Variants in LARP4B observed in about 807,000 individuals in gnomAD.
LARP4B encodes the protein la-related protein 4B.
LARP4B carries 12 observed loss-of-function variants against 89.8 expected under a neutral mutation model. The observed-to-expected ratio is 0.13, with a 90% CI of 0.09 to 0.22. The LOEUF (loss-of-function observed/expected upper bound fraction) is 0.22. Ranked by LOEUF, LARP4B falls within the 10% of genes least tolerant of loss-of-function variation. The probability of loss-of-function intolerance (pLI) is 1.00; values close to 1 mark genes in which losing one functional copy is unlikely to be tolerated. For missense variants in LARP4B, 757 were observed against 947.7 expected, an observed-to-expected ratio of 0.80 and a Z score of 2.64; for synonymous variants, 367 against 363.3, an observed-to-expected ratio of 1.01 and a Z score of -0.12.
At chr10:890,903 G>A (rs913415784) in intron 1 of LARP4B, among the ~76,000 whole-genome samples, 5 of 151,970 alleles carry the variant, frequency 3.3e-5, no homozygotes, top group African/African-American at 1.2e-4. Flanking sequence ...ACACAACCAC[G>A]AAATCCAGAA....
intron 3 of LARP4B, among the ~76,000 whole-genome samples, chr10:868,378 TAAAAAAAAAAA>T (rs35215345): frequency 1.6e-5 from 2 of 123,462 alleles, no homozygotes; most frequent in African/African-American, 3.0e-5. Context: ...AAGATTTGCT[TAAAAAAAAAAA>T]AAAAAAAAGA....
chr10:895,115 G>A (rs1221232220), intron 1 of LARP4B, among the ~76,000 whole-genome samples: 1 of 152,184 alleles, frequency 6.6e-6, no homozygotes, highest in African/African-American at 2.4e-5. Context: ...GAATCCGGGA[G>A]GCAGAGGTTG....
chr10:813,623 C>T (rs573889789), intron 17 of LARP4B, among the ~76,000 whole-genome samples: 1 of 152,326 alleles, frequency 6.6e-6, no homozygotes, highest in African/African-American at 2.4e-5. Context: ...CCCTGAAAGG[C>T]AAACTCCAAA....
chr10:951,243 T>C, the LARP4B span, among the ~76,000 whole-genome samples: 1 of 152,170 alleles, frequency 6.6e-6, no homozygotes, highest in African/African-American at 2.4e-5. Flanking sequence ...CTTCCCTTTA[T>C]TTCTATTTTT....
At chr10:861,056 T>A (rs1011217805) in intron 5 of LARP4B, among the ~76,000 whole-genome samples, 1 of 152,092 alleles carries the variant, frequency 6.6e-6, no homozygotes, top group African/African-American at 2.4e-5. Context: ...CTGGGGAGGC[T>A]GAGGCAGGAG....
chr10:961,205 A>T, the LARP4B span, among the ~76,000 whole-genome samples: 1 of 152,242 alleles, frequency 6.6e-6, no homozygotes, highest in African/African-American at 2.4e-5. Flanking sequence ...TCAGAAACTC[A>T]TATTTCTTCT....
chr10:891,033 T>TA (rs1424934890), intron 1 of LARP4B, among the ~76,000 whole-genome samples: 12 of 151,704 alleles, frequency 7.9e-5, no homozygotes, highest in African/African-American at 2.9e-4. Flanking sequence ...AAGGGAAAAA[T>TA]AAAAATCAAC....
chr10:875,006 C>T (rs7900446), intron 3 of LARP4B, among the ~76,000 whole-genome samples: 2,359 of 152,260 alleles, frequency 0.015, 74 homozygotes, highest in African/African-American at 0.054. Flanking sequence ...GGAAATGAGG[C>T]ACCAAGAACT....
chr10:941,902 A>C, the LARP4B span, among the ~76,000 whole-genome samples: 1 of 152,120 alleles, frequency 6.6e-6, no homozygotes. Flanking sequence ...CAGCCTCCTA[A>C]GTACCTGGGA....
intron 8 of LARP4B, among the ~76,000 whole-genome samples, chr10:831,276 CTTTTT>C (rs76857973): frequency 2.5e-5 from 3 of 121,924 alleles, no homozygotes; most frequent in African/African-American, 6.1e-5. Context: ...AACTGCACAA[CTTTTT>C]TTTTTTTTTT....
intron 5 of LARP4B, among the ~76,000 whole-genome samples, chr10:856,206 T>C (rs1246722280): frequency 6.6e-6 from 1 of 152,198 alleles, no homozygotes; most frequent in Admixed American, 6.5e-5. Context: ...AAAAATACTC[T>C]TGGGAGAACA....
intron 1 of LARP4B, among the ~76,000 whole-genome samples, chr10:927,458 T>C (rs776110570): frequency 6.6e-5 from 10 of 152,104 alleles, no homozygotes; most frequent in Non-Finnish European, 1.5e-4. Context: ...TTTTCTACCT[T>C]ACAATTCCAT....
At chr10:978,801 T>C in the LARP4B span, among the ~76,000 whole-genome samples, 1 of 152,354 alleles carries the variant, frequency 6.6e-6, no homozygotes, top group East Asian at 1.9e-4. Flanking sequence ...TATTTAAACT[T>C]TCTTTTACAA....
chr10:883,380 G>A (rs1244195978), intron 3 of LARP4B, among the ~76,000 whole-genome samples: 9 of 151,976 alleles, frequency 5.9e-5, no homozygotes, highest in African/African-American at 1.2e-4. Flanking sequence ...GTGTGATGGC[G>A]CATGCCTGTA....
chr10:910,285 T>C (rs1054578424), intron 1 of LARP4B, among the ~76,000 whole-genome samples: 16 of 152,210 alleles, frequency 1.1e-4, no homozygotes, highest in African/African-American at 3.9e-4. Flanking sequence ...CCTGAATCCA[T>C]ACACCTGGGC....
rs907868624 is a variant in LARP4B at position 900,618 on chromosome 10, CT to C, written c.-39-14859del. Among the ~76,000 whole-genome samples, 1,020 of 118,970 alleles carry C rather than the reference CT, an allele frequency of 8.6e-3. 9 individuals carry two copies. Among genetic ancestry groups the C allele is most frequent in the African/African-American group, 0.024 (745 of 31,518 alleles). 78.0% of individuals were successfully genotyped at this position (118,970 alleles called of 152,430 possible). A position where few individuals can be genotyped will look rare whatever the true frequency, so the allele number is the denominator to read the frequency against. ...GCCCAGCTAAAAAAGGATATATTTC[CT>C]TTTTTTTTTTTTTTTTGTGAGAAGC... On this transcript the variant is annotated intron_variant, in intron 1 of 17. Transcript: ENST00000316157.
chr10:887,822 G>A (rs974117984), intron 1 of LARP4B, among the ~76,000 whole-genome samples: 3 of 152,020 alleles, frequency 2.0e-5, no homozygotes, highest in East Asian at 3.9e-4. Context: ...CCAGGAGTTC[G>A]AGACCAGCCT....
the LARP4B span, among the ~76,000 whole-genome samples, chr10:938,651 T>C: frequency 6.6e-6 from 1 of 152,118 alleles, no homozygotes; most frequent in Admixed American, 6.6e-5. Context: ...TATCTGCAAG[T>C]TTCTCTCAAA....
chr10:906,230 C>T (rs1299169117), intron 1 of LARP4B, among the ~76,000 whole-genome samples: 1 of 152,222 alleles, frequency 6.6e-6, no homozygotes, highest in Non-Finnish European at 1.5e-5. Context: ...TTCTATGACT[C>T]TTCTTCAGTT....
Sources: gnomAD v4.1 joint callset for allele counts (sites outside exome capture counted in the v4.1 genomes callset) on GRCh38, gnomAD v4.1.1 for gene constraint, MANE v1.5 for transcripts, NCBI Gene and HGNC (gene_info 2026-07-23, HGNC 2026-07-21) for gene names.